The following FSTL5 variants were observed in gnomAD, a reference collection of about 807,000 sequenced individuals.
The protein encoded by FSTL5 is follistatin like 5, also known as follistatin-related protein 5.
In FSTL5, 62 loss-of-function variants were observed where a neutral mutation model predicts 89.1. That is an observed-to-expected ratio of 0.70 (90% CI 0.57 to 0.86). FSTL5 has a LOEUF of 0.86. Ranked by LOEUF, FSTL5 falls within the 40% of genes least tolerant of loss-of-function variation. The pLI is 0.00. For synonymous variants in FSTL5, 383 were observed against 346.2 expected, an observed-to-expected ratio of 1.11 and a Z score of -1.18; for missense variants, 1,057 against 1,001.6, an observed-to-expected ratio of 1.06 and a Z score of -0.75.
chr4:162,096,040 A>C (rs1254294324), intron 2 of FSTL5, among the ~76,000 whole-genome samples: 4 of 151,990 alleles, frequency 2.6e-5, no homozygotes, highest in Non-Finnish European at 5.9e-5. Flanking sequence ...TTCATTAGTA[A>C]AATGAAGATA....
rs116155479 is a variant in FSTL5, at chr4:161,550,053, G to A, written c.1016-7360C>T. ...GTTCCCTTTCCCAGCTATACTCTGG[G>A]AATATTAAACTAGCTTCATGTTAAC... is the stretch of plus-strand genomic sequence containing the variant. On this transcript the variant is annotated intron_variant, in intron 8 of 15. Transcript: ENST00000306100. Among the ~76,000 whole-genome samples the A allele has an allele frequency of 4.9e-3, 747 of 151,936 alleles. 7 individuals are homozygous for A. Among genetic ancestry groups the A allele is most frequent in the African/African-American group, 0.017 (701 of 41,486 alleles).
chr4:162,117,766 G>C (rs1731698803), intron 1 of FSTL5, among the ~76,000 whole-genome samples: 2 of 152,106 alleles, frequency 1.3e-5, no homozygotes, highest in African/African-American at 4.8e-5. Context: ...ACTCAGTAAA[G>C]ACAGAACTAT....
chr4:162,062,739 G>A (rs1049222149), intron 2 of FSTL5, among the ~76,000 whole-genome samples: 6 of 150,724 alleles, frequency 4.0e-5, no homozygotes, highest in Non-Finnish European at 7.4e-5. Context: ...ATATATATAT[G>A]TATATACACA....
At chr4:161,840,704 C>A (rs1386491271) in intron 4 of FSTL5, among the ~76,000 whole-genome samples, 2 of 152,156 alleles carry the variant, frequency 1.3e-5, no homozygotes, top group African/African-American at 4.8e-5. Flanking sequence ...TTGTAAATTT[C>A]TTTCAATGTA....
At chr4:161,408,776 T>C (rs1038292631) in intron 15 of FSTL5, among the ~76,000 whole-genome samples, 2 of 152,162 alleles carry the variant, frequency 1.3e-5, no homozygotes, top group African/African-American at 4.8e-5. Flanking sequence ...AAGAATTGTA[T>C]AATACAATCA....
intron 2 of FSTL5, among the ~76,000 whole-genome samples, chr4:162,051,746 C>A (rs1302565838): frequency 6.6e-6 from 1 of 151,098 alleles, no homozygotes; most frequent in African/African-American, 2.4e-5. Context: ...AAAAGAAAAT[C>A]ATAATGTGAT....
At chr4:161,934,815 C>G (rs1429766384) in intron 3 of FSTL5, among the ~76,000 whole-genome samples, 3 of 152,054 alleles carry the variant, frequency 2.0e-5, no homozygotes, top group African/African-American at 7.2e-5. Context: ...CTATCATTAA[C>G]ATCAATATCA....
intron 4 of FSTL5, among the ~76,000 whole-genome samples, chr4:161,796,212 A>T (rs1305643673): frequency 6.6e-6 from 1 of 151,958 alleles, no homozygotes; most frequent in Non-Finnish European, 1.5e-5. Context: ...ATGATAAAGC[A>T]TATATTTTCT....
intron 8 of FSTL5, among the ~76,000 whole-genome samples, chr4:161,558,472 A>G (rs552643848): frequency 1.3e-5 from 2 of 152,026 alleles, no homozygotes; most frequent in African/African-American, 4.8e-5. Context: ...AAGAAACATA[A>G]TTTATATCAG....
At chr4:162,161,375 T>C (rs1317903393) in intron 1 of FSTL5, among the ~76,000 whole-genome samples, 1 of 151,908 alleles carries the variant, frequency 6.6e-6, no homozygotes, top group Non-Finnish European at 1.5e-5. Flanking sequence ...GTCCCCTATA[T>C]GCTAAATTTG....
intron 4 of FSTL5, among the ~76,000 whole-genome samples, chr4:161,856,418 G>C (rs1731722657): frequency 6.6e-6 from 1 of 151,930 alleles, no homozygotes; most frequent in Admixed American, 6.6e-5. Context: ...AAGAGCATCT[G>C]CATAGCATCA....
chr4:161,561,076 G>A (rs1036073556), intron 8 of FSTL5, among the ~76,000 whole-genome samples: 5 of 151,922 alleles, frequency 3.3e-5, no homozygotes, highest in Middle Eastern at 3.4e-3. Context: ...CAATAGCTAC[G>A]ACGTCCCTAG....
At chr4:161,819,583 TC>T (rs1023731424) in intron 4 of FSTL5, among the ~76,000 whole-genome samples, 13 of 152,088 alleles carry the variant, frequency 8.5e-5, no homozygotes, top group African/African-American at 2.9e-4. Context: ...CAGAAGTGCA[TC>T]AATCTGATAT....
At chr4:161,514,226 TAC>T (rs113099103) in intron 10 of FSTL5, among the ~76,000 whole-genome samples, 13 of 150,460 alleles carry the variant, frequency 8.6e-5, no homozygotes, top group African/African-American at 1.2e-4. Context: ...AATAAAGTAT[TAC>T]ACACACACAC....
At chr4:161,717,596 C>T (rs1739032420) in intron 6 of FSTL5, among the ~76,000 whole-genome samples, 1 of 152,150 alleles carries the variant, frequency 6.6e-6, no homozygotes, top group African/African-American at 2.4e-5. Flanking sequence ...TCTTTGAATT[C>T]TGCAAAAGAG....
intron 15 of FSTL5, among the ~76,000 whole-genome samples, chr4:161,418,364 C>T (rs1010130153): frequency 1.3e-5 from 2 of 152,150 alleles, no homozygotes; most frequent in Admixed American, 6.6e-5. Context: ...GATAATCATA[C>T]AAATGCATGA....
chr4:162,145,850 A>T (rs920492167), intron 1 of FSTL5, among the ~76,000 whole-genome samples: 1 of 152,182 alleles, frequency 6.6e-6, no homozygotes, highest in Non-Finnish European at 1.5e-5. Context: ...GATGTGTATG[A>T]TGATTCTCCA....
chr4:161,534,929 A>G (rs955771571), intron 10 of FSTL5, among the ~76,000 whole-genome samples: 4 of 152,140 alleles, frequency 2.6e-5, no homozygotes, highest in Admixed American at 6.6e-5. Flanking sequence ...TACACTTACA[A>G]CCATCTTATC....
intron 4 of FSTL5, among the ~76,000 whole-genome samples, chr4:161,818,504 G>A (rs1439244932): frequency 6.6e-6 from 1 of 152,166 alleles, no homozygotes; most frequent in East Asian, 1.9e-4. Flanking sequence ...CACATGCCCA[G>A]TGGGGCTTTG....
Sources: allele counts gnomAD v4.1 joint callset (sites outside exome capture counted in the v4.1 genomes callset), GRCh38; gene constraint gnomAD v4.1.1; transcripts MANE v1.5; gene names NCBI Gene and HGNC (gene_info 2026-07-23, HGNC 2026-07-21).